Variants in CACNA2D3 observed in about 807,000 individuals in gnomAD.
The protein encoded by CACNA2D3 is calcium voltage-gated channel auxiliary subunit alpha2delta 3.
A neutral mutation model predicts 160.6 loss-of-function variants in CACNA2D3; 60 were observed. That is an observed-to-expected ratio of 0.37 (90% CI 0.30 to 0.46). The LOEUF (loss-of-function observed/expected upper bound fraction) is 0.46, where lower values mean the gene tolerates loss of function less well. Ranked by LOEUF, CACNA2D3 falls within the 20% of genes least tolerant of loss-of-function variation. The pLI is 1.00. For missense variants in CACNA2D3, 1,205 were observed against 1,365.0 expected, an observed-to-expected ratio of 0.88 and a Z score of 1.85; for synonymous variants, 558 against 492.9, an observed-to-expected ratio of 1.13 and a Z score of -1.75.
At chr3:54,962,326 G>C (rs1702049451) in intron 27 of CACNA2D3, among the ~76,000 whole-genome samples, 1 of 152,118 alleles carries the variant, frequency 6.6e-6, no homozygotes, top group African/African-American at 2.4e-5. Flanking sequence ...TTTGCTCACT[G>C]ATATAACACT....
At chr3:54,916,925 C>CAGCTTAAGGCA (rs1276090877) in intron 27 of CACNA2D3, among the ~76,000 whole-genome samples, 12 of 152,208 alleles carry the variant, frequency 7.9e-5, no homozygotes, top group Admixed American at 3.9e-4. Context: ...CTTAAGGCAT[C>CAGCTTAAGGCA]TGTGGTGCTG....
rs539079179 is a variant in CACNA2D3 at position 54,463,781 on chromosome 3, A to T, written c.382-39711A>T. Among the ~76,000 whole-genome samples the T allele has an allele frequency of 2.6e-5, 4 of 152,326 alleles. 1 individual carries two copies. The highest frequency in any genetic ancestry group is 3.9e-4 in the East Asian group (2 of 5,176). ...CTTCTTCTCTGAACTCTTCAAAGTC[A>T]TTCTCCATCCAGCTTTGTTCCGTTG... On this transcript the variant is annotated intron_variant, in intron 4 of 37. Coordinates refer to ENST00000474759, the MANE Select transcript of CACNA2D3 (RefSeq NM_018398.3).
At chr3:54,294,244 A>G (rs56212431) in intron 2 of CACNA2D3, among the ~76,000 whole-genome samples, 37,332 of 152,070 alleles carry the variant, frequency 0.25, 4,689 homozygotes, top group South Asian at 0.33. Context: ...CTGTCTTTTT[A>G]GGGGCCCATT....
Position 54,222,992 on chromosome 3 carries a change from T to C in CACNA2D3, c.205-97450T>C, listed in dbSNP as rs376729859. Among the ~76,000 whole-genome samples the C allele has an allele frequency of 1.5e-3, 221 of 152,376 alleles. 1 individual carries two copies. Among genetic ancestry groups the C allele is most frequent in the African/African-American group, 4.9e-3 (202 of 41,594 alleles). On this transcript the variant is annotated intron_variant, in intron 2 of 37. Transcript: ENST00000474759. ...ATATGTTCTGTGTTACTTTTTCCTCTCCATTCTTGCTTTGTTTTGGATTAA... is the reference window on the plus strand; with the variant it reads ...ATATGTTCTGTGTTACTTTTTCCTCCCCATTCTTGCTTTGTTTTGGATTAA...
intron 10 of CACNA2D3, chr3:54,639,958 G>GC (rs1699477278): frequency 6.5e-6 from 1 of 154,042 alleles, no homozygotes; most frequent in South Asian, 2.1e-4. Context: ...GCGGGGGGTC[G>GC]CAAGGTGCTC....
intron 11 of CACNA2D3, among the ~76,000 whole-genome samples, chr3:54,701,180 A>C (rs1205641779): frequency 6.6e-6 from 1 of 152,212 alleles, no homozygotes; most frequent in Non-Finnish European, 1.5e-5. Flanking sequence ...TAATCCTATA[A>C]TTTGTCTTTA....
chr3:54,373,075 C>T (rs1371898819), intron 3 of CACNA2D3, among the ~76,000 whole-genome samples: 5 of 152,134 alleles, frequency 3.3e-5, no homozygotes, highest in Non-Finnish European at 7.4e-5. Flanking sequence ...GCAGTCATCT[C>T]TTGAAAGTCT....
At position 54,220,533 on chromosome 3, in the gene CACNA2D3, T is replaced by C. The variant is rs570182967; in HGVS notation, c.204+96939T>C. On this transcript the variant is annotated intron_variant, in intron 2 of 37. Transcript: ENST00000474759. ...CTGGAGGACTAGCAGGGCTCAGGCA[T>C]GTGAACTTCTGCCTTAGTGCTCTTC... 4.5e-4 allele frequency among the ~76,000 whole-genome samples: 69 copies of C among 152,222 alleles called. 1 individual carries two copies. In the Middle Eastern group the frequency reaches 0.017, roughly 38 times the overall value.
intron 27 of CACNA2D3, among the ~76,000 whole-genome samples, chr3:54,902,044 A>C (rs1050104394): frequency 2.0e-5 from 3 of 152,232 alleles, no homozygotes; most frequent in Non-Finnish European, 4.4e-5. Context: ...TGGCAGATGA[A>C]GATGAATATG....
At chr3:54,911,523 C>T (rs1000512898) in intron 27 of CACNA2D3, among the ~76,000 whole-genome samples, 5 of 151,690 alleles carry the variant, frequency 3.3e-5, no homozygotes, top group Non-Finnish European at 7.4e-5. Flanking sequence ...TCATTCTTGA[C>T]TCTTTCCTTT....
At chr3:54,572,042 T>C (rs1702506970) in intron 8 of CACNA2D3, among the ~76,000 whole-genome samples, 1 of 151,070 alleles carries the variant, frequency 6.6e-6, no homozygotes, top group Non-Finnish European at 1.5e-5. Context: ...GAGAGTATGT[T>C]GTCATGGATG....
intron 27 of CACNA2D3, among the ~76,000 whole-genome samples, chr3:54,946,549 C>G (rs947228314): frequency 6.6e-6 from 1 of 152,134 alleles, no homozygotes; most frequent in African/African-American, 2.4e-5. Flanking sequence ...AACAGCCCTT[C>G]CAGTGGAAAG....
chr3:54,325,687 A>T (rs979099139), intron 3 of CACNA2D3, among the ~76,000 whole-genome samples: 1 of 152,200 alleles, frequency 6.6e-6, no homozygotes, highest in African/African-American at 2.4e-5. Flanking sequence ...CAAGCAAAAC[A>T]TTACAATTAA....
At chr3:55,033,459 C>T (rs989007937) in intron 35 of CACNA2D3, among the ~76,000 whole-genome samples, 58 of 151,220 alleles carry the variant, frequency 3.8e-4, no homozygotes, top group Middle Eastern at 3.4e-3. Flanking sequence ...CACATACAGG[C>T]GCTTAGGTAT....
chr3:54,290,140 A>T (rs1703150426), intron 2 of CACNA2D3, among the ~76,000 whole-genome samples: 1 of 152,128 alleles, frequency 6.6e-6, no homozygotes, highest in Admixed American at 6.5e-5. Flanking sequence ...AATGGGAGAA[A>T]ATTTTCGCAA....
At position 54,122,749 on chromosome 3, in the gene CACNA2D3, G is replaced by T. The variant is rs1699499482; in HGVS notation, c.36G>T (p.Arg12=). ...AGPGSPRRAS[R]GASALLAAAL... ...CGGGCTCGCCGCGCCGCGCGTCCCG[G>T]GGGGCCTCGGCGCTTCTCGCTGCCG... The change falls in exon 1 of 38, where the codon CGG becomes CGT. Residue 12 remains arginine, a synonymous_variant. Transcript: ENST00000474759. The T allele has an allele frequency of 8.2e-7, 1 of 1,220,508 alleles. No homozygotes were observed. The highest frequency in any genetic ancestry group is 1.0e-6 in the Non-Finnish European group (1 of 978,544). The allele number at this position is 1,220,508 out of a possible 1,614,324, so 75.6% of individuals were successfully genotyped here. A position where few individuals can be genotyped will look rare whatever the true frequency, so the allele number is the denominator to read the frequency against.
At chr3:54,587,684 A>T (rs1005949002) in intron 9 of CACNA2D3, among the ~76,000 whole-genome samples, 15 of 152,242 alleles carry the variant, frequency 9.9e-5, no homozygotes, top group Non-Finnish European at 2.1e-4. Flanking sequence ...ACTATTGTAA[A>T]CAACTTTACA....
intron 3 of CACNA2D3, among the ~76,000 whole-genome samples, chr3:54,360,525 G>T (rs1279856250): frequency 1.3e-5 from 2 of 152,096 alleles, no homozygotes; most frequent in Non-Finnish European, 1.5e-5. Context: ...GGCTGCAGGG[G>T]TATCGAGAGG....
intron 35 of CACNA2D3, among the ~76,000 whole-genome samples, chr3:55,027,666 A>G (rs535644476): frequency 5.9e-5 from 9 of 152,352 alleles, no homozygotes; most frequent in African/African-American, 1.9e-4. Context: ...ATGACATTCA[A>G]AAATAACACA....
Sources: allele counts gnomAD v4.1 joint callset (sites outside exome capture counted in the v4.1 genomes callset), GRCh38; gene constraint gnomAD v4.1.1; transcripts MANE v1.5; gene names NCBI Gene and HGNC (gene_info 2026-07-23, HGNC 2026-07-21).